Variants in SPAG16 observed in about 807,000 individuals in gnomAD.
SPAG16 encodes the protein sperm associated antigen 16, also known as sperm-associated antigen 16 protein.
In SPAG16, 86 loss-of-function variants were observed where a neutral mutation model predicts 80.4. The ratio of observed to expected loss-of-function variants is 1.07; its 90% CI spans 0.90 to 1.28. The LOEUF (loss-of-function observed/expected upper bound fraction) is 1.28, where lower values mean the gene tolerates loss of function less well. Ranked by LOEUF, SPAG16 falls within the 50% of genes most tolerant of loss-of-function variation. The pLI is 0.00. For missense variants in SPAG16, 870 were observed against 765.3 expected, an observed-to-expected ratio of 1.14 and a Z score of -1.61; for synonymous variants, 294 against 265.9, an observed-to-expected ratio of 1.11 and a Z score of -1.03.
At chr2:213,795,250 G>A (rs2070952778) in intron 10 of SPAG16, among the ~76,000 whole-genome samples, 1 of 152,028 alleles carries the variant, frequency 6.6e-6, no homozygotes, top group South Asian at 2.1e-4. Flanking sequence ...GCAAATTCTG[G>A]AAAAGAAATT....
In SPAG16 at chr2:213,376,709, A is replaced by C. The variant is rs1300156606; in HGVS notation, c.942+1590A>C. 2.0e-5 allele frequency among the ~76,000 whole-genome samples: 3 copies of C among 152,274 alleles called. No individual in the cohort carries two copies. In the East Asian group the frequency reaches 5.8e-4, roughly 29 times the overall value. On this transcript the variant is annotated intron_variant, in intron 9 of 15. Coordinates refer to ENST00000331683, the MANE Select transcript of SPAG16 (RefSeq NM_024532.5). ...GAATTATATTATTATGTATGTTGTC[A>C]TAATTGATAACATTTACATTTGTTC...
chr2:213,328,257 G>A (rs557700891), intron 5 of SPAG16, among the ~76,000 whole-genome samples: 100 of 152,154 alleles, frequency 6.6e-4, no homozygotes, highest in Admixed American at 1.6e-3. Flanking sequence ...GCCCGCTCAG[G>A]ATATTCTGTA....
intron 13 of SPAG16, among the ~76,000 whole-genome samples, chr2:214,041,407 C>G (rs908484226): frequency 3.4e-5 from 5 of 149,150 alleles, no homozygotes; most frequent in Non-Finnish European, 7.4e-5. Context: ...AGACTCTTTG[C>G]ACTTCTACAT....
intron 9 of SPAG16, among the ~76,000 whole-genome samples, chr2:213,416,192 A>G (rs2069243341): frequency 6.6e-6 from 1 of 152,194 alleles, no homozygotes; most frequent in African/African-American, 2.4e-5. Flanking sequence ...TTCTCTCAGG[A>G]GTCTGAATAG....
At chr2:214,094,413 G>A (rs2052441923) in intron 13 of SPAG16, among the ~76,000 whole-genome samples, 1 of 152,136 alleles carries the variant, frequency 6.6e-6, no homozygotes, top group Admixed American at 6.6e-5. Flanking sequence ...AAAATACAAA[G>A]TCCTGAAACT....
intron 12 of SPAG16, among the ~76,000 whole-genome samples, chr2:213,985,476 A>G (rs746109470): frequency 1.3e-5 from 2 of 152,138 alleles, no homozygotes; most frequent in Non-Finnish European, 2.9e-5. Flanking sequence ...ATTTGCAAAG[A>G]TAAATCTAAC....
chr2:213,494,532 TA>T (rs1033451335), intron 10 of SPAG16, among the ~76,000 whole-genome samples: 10 of 152,184 alleles, frequency 6.6e-5, no homozygotes, highest in Non-Finnish European at 1.3e-4. Context: ...CAGAATATAT[TA>T]ATTTTTTCCC....
chr2:213,888,681 T>C (rs1401717091), intron 11 of SPAG16, among the ~76,000 whole-genome samples: 3 of 151,908 alleles, frequency 2.0e-5, no homozygotes, highest in Non-Finnish European at 4.4e-5. Flanking sequence ...AAGAATTTAC[T>C]CCTAACCTTT....
intron 15 of SPAG16, among the ~76,000 whole-genome samples, chr2:214,403,950 A>G (rs1200172921): frequency 6.6e-6 from 1 of 152,200 alleles, no homozygotes; most frequent in East Asian, 1.9e-4. Flanking sequence ...GGTGAAGAAA[A>G]TCATTTTGAA....
intron 9 of SPAG16, among the ~76,000 whole-genome samples, chr2:213,479,656 G>A (rs750571667): frequency 4.6e-5 from 7 of 152,116 alleles, no homozygotes; most frequent in Non-Finnish European, 8.8e-5. Flanking sequence ...GAACTGAGAG[G>A]CAACAGGTGC....
chr2:213,956,253 G>A (rs1369745404), intron 12 of SPAG16, among the ~76,000 whole-genome samples: 5 of 151,864 alleles, frequency 3.3e-5, no homozygotes, highest in Non-Finnish European at 7.4e-5. Flanking sequence ...ACCATGCCAG[G>A]CCTTTATTGA....
intron 10 of SPAG16, among the ~76,000 whole-genome samples, chr2:213,563,146 CA>C (rs58575813): frequency 0.085 from 13,001 of 152,082 alleles, 1,388 homozygotes; most frequent in African/African-American, 0.25. Flanking sequence ...GAGATAGCTT[CA>C]TTTTTTTACT....
chr2:214,086,159 T>G (rs1032958195), intron 13 of SPAG16, among the ~76,000 whole-genome samples: 3 of 152,218 alleles, frequency 2.0e-5, no homozygotes, highest in East Asian at 1.9e-4. Context: ...CTTCTGACAG[T>G]GACACTGCAT....
chr2:213,796,813 T>G lies in SPAG16; in HGVS notation c.1071-65672T>G, dbSNP rs552716618. Among the ~76,000 whole-genome samples, 144 of 152,190 alleles carry G rather than the reference T, an allele frequency of 9.5e-4. 1 individual carries two copies. Among genetic ancestry groups the G allele is most frequent in the African/African-American group, 3.3e-3 (137 of 41,468 alleles). On this transcript the variant is annotated intron_variant, in intron 10 of 15. Coordinates refer to ENST00000331683, the MANE Select transcript of SPAG16 (RefSeq NM_024532.5). ...TTATTTATTATTATTTTAAGTGTAC[T>G]TCTACTTATTAAAAAAAAGTTAACT...
At chr2:214,182,335 A>G (rs934401540) in intron 15 of SPAG16, among the ~76,000 whole-genome samples, 1 of 151,810 alleles carries the variant, frequency 6.6e-6, no homozygotes, top group African/African-American at 2.4e-5. Flanking sequence ...CAATGCCTCC[A>G]GTAGTACACT....
rs73081059 is a variant in SPAG16 at position 214,226,727 on chromosome 2, G to A, written c.1720+77461G>A. On this transcript the variant is annotated intron_variant, in intron 15 of 15. Coordinates refer to ENST00000331683, the MANE Select transcript of SPAG16 (RefSeq NM_024532.5). ...ACAAGATCACATTTTGGACACTTAA[G>A]TGAAAAATAAGAGATACAAGACATG... 9.8e-3 allele frequency among the ~76,000 whole-genome samples: 1,490 copies of A among 152,078 alleles called. 24 individuals carry two copies. Among genetic ancestry groups the A allele is most frequent in the African/African-American group, 0.034 (1,391 of 41,522 alleles).
intron 15 of SPAG16, among the ~76,000 whole-genome samples, chr2:214,356,517 T>C (rs890471903): frequency 2.0e-5 from 3 of 151,810 alleles, no homozygotes; most frequent in African/African-American, 7.2e-5. Flanking sequence ...AAAATTAATG[T>C]TTTCTAAAGC....
chr2:214,053,909 TAAG>T (rs2049795274), intron 13 of SPAG16, among the ~76,000 whole-genome samples: 1 of 152,214 alleles, frequency 6.6e-6, no homozygotes, highest in South Asian at 2.1e-4. Context: ...TAATGATAGA[TAAG>T]AATATTTTAG....
chr2:213,983,760 T>C (rs1287589286), intron 12 of SPAG16, among the ~76,000 whole-genome samples: 1 of 152,054 alleles, frequency 6.6e-6, no homozygotes, highest in Non-Finnish European at 1.5e-5. Context: ...TTGTGTACCA[T>C]CACAATAGGG....
Sources: gnomAD v4.1 joint callset for allele counts (sites outside exome capture counted in the v4.1 genomes callset) on GRCh38, gnomAD v4.1.1 for gene constraint, MANE v1.5 for transcripts, NCBI Gene and HGNC (gene_info 2026-07-23, HGNC 2026-07-21) for gene names.